Variants in RASAL2 observed in about 807,000 individuals in gnomAD.
RASAL2 encodes the protein RAS protein activator like 2, also known as ras GTPase-activating protein nGAP.
A neutral mutation model predicts 128.9 loss-of-function variants in RASAL2; 58 were observed. The ratio of observed to expected loss-of-function variants is 0.45; its 90% CI spans 0.36 to 0.56. The LOEUF (loss-of-function observed/expected upper bound fraction) is 0.56. Ranked by LOEUF, RASAL2 falls within the 20% of genes least tolerant of loss-of-function variation. The pLI is 0.00. For missense variants in RASAL2, 1,360 were observed against 1,601.6 expected, an observed-to-expected ratio of 0.85 and a Z score of 2.57; for synonymous variants, 561 against 580.8, an observed-to-expected ratio of 0.97 and a Z score of 0.49.
chr1:178,270,974 G>A (rs1162666115), intron 1 of RASAL2, among the ~76,000 whole-genome samples: 1 of 152,184 alleles, frequency 6.6e-6, no homozygotes, highest in South Asian at 2.1e-4. Context: ...AACATGTTTA[G>A]AGTAGCCTTT....
intron 1 of RASAL2, among the ~76,000 whole-genome samples, chr1:178,264,884 A>T (rs1665874277): frequency 6.6e-6 from 1 of 152,124 alleles, no homozygotes. Context: ...CCCTCTAATC[A>T]CAGGGTTGGT....
At chr1:178,180,359 A>G (rs1282207451) in intron 1 of RASAL2, among the ~76,000 whole-genome samples, 1 of 151,748 alleles carries the variant, frequency 6.6e-6, no homozygotes, top group African/African-American at 2.4e-5. Flanking sequence ...TATGATACTA[A>G]GAGGCTGGGC....
intron 1 of RASAL2, among the ~76,000 whole-genome samples, chr1:178,120,037 A>G (rs181923156): frequency 2.0e-5 from 3 of 152,342 alleles, no homozygotes; most frequent in Non-Finnish European, 4.4e-5. Flanking sequence ...CATTTGATGA[A>G]GTGGTGGCCT....
chr1:178,354,699 G>T (rs1670705956), intron 3 of RASAL2, among the ~76,000 whole-genome samples: 1 of 152,114 alleles, frequency 6.6e-6, no homozygotes, highest in Admixed American at 6.5e-5. Flanking sequence ...CAAATTTTTT[G>T]AGATACTGTT....
chr1:178,135,052 G>C (rs1660266642), intron 1 of RASAL2, among the ~76,000 whole-genome samples: 1 of 152,178 alleles, frequency 6.6e-6, no homozygotes, highest in Non-Finnish European at 1.5e-5. Flanking sequence ...TAGTGCTCTT[G>C]CTCATTCTTC....
intron 1 of RASAL2, among the ~76,000 whole-genome samples, chr1:178,239,906 T>G (rs917709161): frequency 3.3e-5 from 5 of 152,048 alleles, no homozygotes; most frequent in Non-Finnish European, 5.9e-5. Context: ...ATAAAGGTAT[T>G]TTCCTAGCTT....
At chr1:178,110,650 A>AGCATATATATATATG (rs1553250955) in intron 1 of RASAL2, among the ~76,000 whole-genome samples, 118 of 139,162 alleles carry the variant, frequency 8.5e-4, no homozygotes, top group Non-Finnish European at 1.3e-3. Context: ...ATATATATAT[A>AGCATATATATATATG]TATGTATGTA....
chr1:178,336,399 G>T (rs78609428), intron 3 of RASAL2, among the ~76,000 whole-genome samples: 10,414 of 151,926 alleles, frequency 0.069, 1,143 homozygotes, highest in African/African-American at 0.23. Flanking sequence ...TTTCTAAATA[G>T]ATTTTATAGA....
intron 1 of RASAL2, among the ~76,000 whole-genome samples, chr1:178,220,535 C>T (rs956166603): frequency 3.3e-5 from 5 of 152,186 alleles, no homozygotes; most frequent in East Asian, 1.9e-4. Context: ...AGATACAAAG[C>T]GAGCACATGC....
intron 1 of RASAL2, among the ~76,000 whole-genome samples, chr1:178,257,423 ATG>A (rs71108037): frequency 0.053 from 7,734 of 146,658 alleles, 513 homozygotes; most frequent in African/African-American, 0.16. Context: ...GCTCAGGGAT[ATG>A]TGTGTGTGTG....
intron 5 of RASAL2, among the ~76,000 whole-genome samples, chr1:178,425,780 C>T (rs1259541824): frequency 2.0e-5 from 3 of 152,148 alleles, no homozygotes; most frequent in African/African-American, 7.2e-5. Context: ...AAAGCAATCT[C>T]TCTGAAACCA....
chr1:178,403,352 T>A (rs1022795924), intron 4 of RASAL2, among the ~76,000 whole-genome samples: 1 of 152,182 alleles, frequency 6.6e-6, no homozygotes, highest in Non-Finnish European at 1.5e-5. Flanking sequence ...TGCAAATACG[T>A]ATTAAGTAGC....
At chr1:178,129,851 G>A (rs1458446526) in intron 1 of RASAL2, among the ~76,000 whole-genome samples, 1 of 152,086 alleles carries the variant, frequency 6.6e-6, no homozygotes, top group East Asian at 1.9e-4. Context: ...CTCATTGAGT[G>A]CTCTTGGCAT....
intron 3 of RASAL2, among the ~76,000 whole-genome samples, chr1:178,386,393 G>T (rs1232956816): frequency 6.6e-6 from 1 of 152,172 alleles, no homozygotes; most frequent in Non-Finnish European, 1.5e-5. Flanking sequence ...GGACAGAAAA[G>T]GTGAAATGGC....
chr1:178,263,907 T>G lies in RASAL2; in HGVS notation c.203-19657T>G, dbSNP rs578185782. On this transcript the variant is annotated intron_variant, in intron 1 of 17. Coordinates refer to ENST00000367649, the MANE Select transcript of RASAL2 (RefSeq NM_170692.4). ...TCTGCTGAAAATCTGTATTGAGTTG[T>G]GTTAAACAACTCCATAGGAATTCTA... Among the ~76,000 whole-genome samples the G allele has an allele frequency of 2.2e-3, 330 of 152,316 alleles. 2 individuals carry two copies. Among genetic ancestry groups the G allele is most frequent in the African/African-American group, 7.3e-3 (305 of 41,566 alleles).
chr1:178,138,049 CAGG>C (rs1328217075), intron 1 of RASAL2, among the ~76,000 whole-genome samples: 1 of 152,116 alleles, frequency 6.6e-6, no homozygotes, highest in Non-Finnish European at 1.5e-5. Flanking sequence ...CAGAAGCTGT[CAGG>C]AGAAGTGCCA....
intron 5 of RASAL2, among the ~76,000 whole-genome samples, chr1:178,425,430 T>G (rs959762043): frequency 2.6e-5 from 4 of 152,250 alleles, no homozygotes; most frequent in East Asian, 1.9e-4. Flanking sequence ...ATATGAGAGA[T>G]AGATTACTTA....
chr1:178,443,233 A>G lies in RASAL2; in HGVS notation c.1482+4A>G. On this transcript the variant is annotated splice_donor_region_variant and intron_variant, in intron 8 of 17. Transcript: ENST00000367649. ...TCAAAGTACTGGCAGAGCCAAGGTA[A>G]GTGGAAAAGGGGGATTGCAGTACCT... 1 of 1,593,430 alleles carries G rather than the reference A, an allele frequency of 6.3e-7. No individual in the cohort carries two copies. The highest frequency in any genetic ancestry group is 8.6e-7 in the Non-Finnish European group (1 of 1,163,880).
intron 1 of RASAL2, among the ~76,000 whole-genome samples, chr1:178,231,916 C>A (rs1664024611): frequency 6.6e-6 from 1 of 152,022 alleles, no homozygotes; most frequent in Non-Finnish European, 1.5e-5. Context: ...ATAAACAAAT[C>A]AAAATGCAGT....
Sources: allele counts gnomAD v4.1 joint callset (sites outside exome capture counted in the v4.1 genomes callset), GRCh38; gene constraint gnomAD v4.1.1; transcripts MANE v1.5; gene names NCBI Gene and HGNC (gene_info 2026-07-23, HGNC 2026-07-21).